Variants in FILIP1 observed in about 807,000 individuals in gnomAD.
FILIP1 encodes filamin A interacting protein 1.
In FILIP1, 61 loss-of-function variants were observed where a neutral mutation model predicts 102.1. That is an observed-to-expected ratio of 0.60 (90% confidence interval 0.49 to 0.74). The LOEUF is 0.74. Among genes scored for constraint, FILIP1 ranks in the 30% least tolerant of loss-of-function variants. The pLI, the probability that FILIP1 is intolerant of heterozygous loss-of-function variation, is 0.00. For missense variants in FILIP1, 1,314 were observed against 1,441.2 expected, an observed-to-expected ratio of 0.91 and a Z score of 1.43; for synonymous variants, 491 against 526.9, an observed-to-expected ratio of 0.93 and a Z score of 0.93.
At chr6:75,466,520 C>G (rs1779170679) in intron 1 of FILIP1, among the ~76,000 whole-genome samples, 1 of 152,220 alleles carries the variant, frequency 6.6e-6, no homozygotes, top group Admixed American at 6.5e-5. Context: ...TATTGATCAC[C>G]AATCAACATT....
intron 2 of FILIP1, among the ~76,000 whole-genome samples, chr6:75,413,403 C>G (rs1777141816): frequency 6.6e-6 from 1 of 152,102 alleles, no homozygotes; most frequent in Admixed American, 6.6e-5. Context: ...AGTGGCTGCT[C>G]TAGAAAATTT....
intron 1 of FILIP1, among the ~76,000 whole-genome samples, chr6:75,481,309 T>G (rs550534314): frequency 2.6e-5 from 4 of 152,170 alleles, no homozygotes. Flanking sequence ...CAAAAAATAT[T>G]TGGTGAATGA....
At chr6:75,357,106 G>A (rs1775030142) in intron 3 of FILIP1, 1 of 152,168 alleles carries the variant, frequency 6.6e-6, no homozygotes. Flanking sequence ...TGAAAGTTGT[G>A]TTTGGAATAG....
At chr6:75,340,350 T>C (rs1212083478) in intron 4 of FILIP1, among the ~76,000 whole-genome samples, 1 of 152,142 alleles carries the variant, frequency 6.6e-6, no homozygotes, top group Non-Finnish European at 1.5e-5. Context: ...AGACACTAGA[T>C]CAGGCCAGAG....
At chr6:75,419,848 C>T (rs190700495) in intron 1 of FILIP1, among the ~76,000 whole-genome samples, 2 of 152,152 alleles carry the variant, frequency 1.3e-5, no homozygotes, top group African/African-American at 2.4e-5. Context: ...AAACATTTCT[C>T]ATGAGGTTAT....
At chr6:75,405,125 A>C (rs894560158) in intron 2 of FILIP1, among the ~76,000 whole-genome samples, 1 of 152,218 alleles carries the variant, frequency 6.6e-6, no homozygotes, top group Non-Finnish European at 1.5e-5. Context: ...TGAGGCCCAG[A>C]GTCAACACTA....
chr6:75,472,702 G>A (rs1012526442), intron 1 of FILIP1, among the ~76,000 whole-genome samples: 6 of 151,986 alleles, frequency 3.9e-5, no homozygotes, highest in African/African-American at 7.3e-5. Flanking sequence ...CTATTTCCCC[G>A]CTAGTCTACA....
rs1562515309 is a variant in FILIP1, at chr6:75,372,714, GA to G, written c.277-9798del. On this transcript the variant is annotated intron_variant, in intron 2 of 5. Coordinates refer to ENST00000237172, the MANE Select transcript of FILIP1 (RefSeq NM_015687.5). ...AAGAAAGAGAAAGAAAGAAAGAAAGGAAAGAAAGAGAAAGAGAAAGAAAGAA... is the reference window on the plus strand; with the variant it reads ...AAGAAAGAGAAAGAAAGAAAGAAAGGAAGAAAGAGAAAGAGAAAGAAAGAA... 2.1e-3 allele frequency among the ~76,000 whole-genome samples: 33 copies of G among 15,494 alleles called. 1 individual carries two copies. The highest frequency in any genetic ancestry group is 0.01 in the African/African-American group (31 of 3,068). The allele number at this position is 15,494 out of a possible 152,430, so 10.2% of individuals were successfully genotyped here. A position where few individuals can be genotyped will look rare whatever the true frequency, so the allele number is the denominator to read the frequency against.
At chr6:75,461,065 T>C (rs1356219601) in intron 1 of FILIP1, among the ~76,000 whole-genome samples, 3 of 152,172 alleles carry the variant, frequency 2.0e-5, no homozygotes, top group Non-Finnish European at 4.4e-5. Flanking sequence ...TTTGTACTTA[T>C]CAAATCTGAT....
intron 1 of FILIP1, among the ~76,000 whole-genome samples, chr6:75,477,668 G>A (rs1582564819): frequency 6.6e-6 from 1 of 152,106 alleles, no homozygotes; most frequent in East Asian, 1.9e-4. Flanking sequence ...AGGAAAGCAT[G>A]GGAAGTTGAG....
intron 1 of FILIP1, among the ~76,000 whole-genome samples, chr6:75,480,293 T>TTTTTATAGTATTAAAAATGTACACCAA (rs1779614272): frequency 6.6e-6 from 1 of 152,186 alleles, no homozygotes; most frequent in Non-Finnish European, 1.5e-5. Flanking sequence ...ATGTACACCA[T>TTTTTATAGTATTAAAAATGTACACCAA]TTTTATAGGT....
intron 1 of FILIP1, among the ~76,000 whole-genome samples, chr6:75,423,271 T>A (rs1399783497): frequency 6.6e-6 from 1 of 152,114 alleles, no homozygotes; most frequent in Non-Finnish European, 1.5e-5. Context: ...AATTTAAAAA[T>A]TTGTCATTTT....
At chr6:75,476,380 T>C (rs1779475855) in intron 1 of FILIP1, among the ~76,000 whole-genome samples, 1 of 152,168 alleles carries the variant, frequency 6.6e-6, no homozygotes, top group African/African-American at 2.4e-5. Context: ...ATTGCTTCTG[T>C]AGTCAGGTCC....
At chr6:75,491,697 G>A (rs1220582541) in intron 1 of FILIP1, among the ~76,000 whole-genome samples, 1 of 152,182 alleles carries the variant, frequency 6.6e-6, no homozygotes, top group Non-Finnish European at 1.5e-5. Flanking sequence ...CTGCATTGTA[G>A]TGGAGAGCCT....
chr6:75,376,035 C>A (rs1775740670), intron 2 of FILIP1, among the ~76,000 whole-genome samples: 1 of 152,096 alleles, frequency 6.6e-6, no homozygotes, highest in Admixed American at 6.5e-5. Flanking sequence ...ATTATAAAGT[C>A]CCCCTCCACT....
In FILIP1 at chr6:75,353,727, C is replaced by A. The variant is rs199782726; in HGVS notation, c.451-10G>T. ...CCTCAAGTCTGTCCAGCTGAATAAG[C>A]AAACATGGGAAAGGGCTTAATATTT... On this transcript the variant is annotated splice_polypyrimidine_tract_variant and intron_variant, in intron 3 of 5. Coordinates refer to ENST00000237172, the MANE Select transcript of FILIP1 (RefSeq NM_015687.5). The A allele has an allele frequency of 1.2e-6, 2 of 1,611,670 alleles. No homozygotes were observed. The highest frequency in any genetic ancestry group is 2.7e-5 in the African/African-American group (2 of 74,970).
chr6:75,370,221 C>T (rs1410781923), intron 2 of FILIP1, among the ~76,000 whole-genome samples: 1 of 152,202 alleles, frequency 6.6e-6, no homozygotes. Context: ...TCCCATTCTG[C>T]TTTCCCACTC....
chr6:75,311,273 C>G (rs1040544981), intron 5 of FILIP1, among the ~76,000 whole-genome samples: 4 of 151,824 alleles, frequency 2.6e-5, no homozygotes, highest in African/African-American at 7.3e-5. Flanking sequence ...ACCTCCATCT[C>G]CTGGGTTCAG....
intron 1 of FILIP1, among the ~76,000 whole-genome samples, chr6:75,428,037 A>C (rs1263961678): frequency 6.6e-6 from 1 of 152,166 alleles, no homozygotes; most frequent in Non-Finnish European, 1.5e-5. Context: ...TCGCTAGCTT[A>C]TTCTTCTTTG....
Sources: gnomAD v4.1 joint callset for allele counts (sites outside exome capture counted in the v4.1 genomes callset) on GRCh38, gnomAD v4.1.1 for gene constraint, MANE v1.5 for transcripts, NCBI Gene and HGNC (gene_info 2026-07-23, HGNC 2026-07-21) for gene names.